TENM4: variants seen among roughly 807,000 people sequenced by gnomAD.
The protein encoded by TENM4 is teneurin-4.
TENM4 carries 82 observed loss-of-function variants against 243.3 expected under a neutral mutation model. That is an observed-to-expected ratio of 0.34 (90% confidence interval 0.28 to 0.40). The LOEUF is 0.40. Ranked by LOEUF, TENM4 falls within the 10% of genes least tolerant of loss-of-function variation. TENM4 has a pLI of 1.00. For synonymous variants in TENM4, 1,412 were observed against 1,456.3 expected (o/e 0.97, Z 0.69); for missense variants, 3,138 against 3,673.3 (o/e 0.85, Z 3.77).
intron 2 of TENM4, among the ~76,000 whole-genome samples, chr11:79,244,054 GTGGTTC>G (rs1338774770): frequency 4.6e-5 from 7 of 152,166 alleles, no homozygotes; most frequent in Middle Eastern, 3.2e-3. Context: ...CCTACGATCA[GTGGTTC>G]TTAAACCTTA....
chr11:78,669,675 G>A lies in TENM4; in HGVS notation c.6670C>T (p.His2224Tyr). 1 of 1,614,024 alleles carries A rather than the reference G, an allele frequency of 6.2e-7. No individual in the cohort carries two copies. Among genetic ancestry groups the A allele is most frequent in the Middle Eastern group, 1.6e-4 (1 of 6,062 alleles). The change falls in exon 32 of 34, where the codon CAC becomes TAC. Residue 2224 changes from histidine to tyrosine, a missense_variant. Transcript: ENST00000278550. This position sits in a 1 kb window ranked among gnomAD's most constrained non-coding sequence, Gnocchi z 6.4. ...GCACTGTTCCCAGGGCTCAGTAAGTGCAGGTTCCCATTGAGGTCGTAGCTG... is the reference window on the plus strand; with the variant it reads ...GCACTGTTCCCAGGGCTCAGTAAGTACAGGTTCCCATTGAGGTCGTAGCTG... ...RYSYDLNGNL[H>Y]LLSPGNSARL...
chr11:78,670,036 C>T lies in TENM4; in HGVS notation c.6309G>A (p.Leu2103=). 1 of 1,613,940 alleles carries T rather than the reference C, an allele frequency of 6.2e-7. No homozygotes were observed. The highest frequency in any genetic ancestry group is 8.5e-7 in the Non-Finnish European group (1 of 1,179,882). The change falls in exon 32 of 34, where the codon CTG becomes CTA. Residue 2103 remains leucine, a synonymous_variant. Coordinates refer to ENST00000278550, the MANE Select transcript of TENM4 (RefSeq NM_001098816.3). ...CATCATAGCGATAGAGATCAATGGG[C>T]AGTGGGGTCTCGTTGATCACAGCCT... ...SMQAVINETP[L]PIDLYRYDDV... is the part of the protein sequence containing the mutation.
intron 1 of TENM4, among the ~76,000 whole-genome samples, chr11:79,420,671 C>T (rs1158514762): frequency 6.6e-6 from 1 of 152,020 alleles, no homozygotes; most frequent in Non-Finnish European, 1.5e-5. Context: ...TGGACACAAA[C>T]CAGTTTTTTT....
rs149519857 is a variant in TENM4 at position 79,116,175 on chromosome 11, T to G, written c.-66+32535A>C. On this transcript the variant is annotated intron_variant, in intron 4 of 33. Transcript: ENST00000278550. ...TTTCTACAAAGAATAAGCCACATTA[T>G]CCTCAGAATGTTGTTGGGTGGGCAT... Among the ~76,000 whole-genome samples the G allele has an allele frequency of 1.4e-3, 220 of 152,354 alleles. 1 individual carries two copies. The highest frequency in any genetic ancestry group is 2.7e-3 in the South Asian group (13 of 4,828).
chr11:79,327,286 A>G (rs999484586), intron 1 of TENM4, among the ~76,000 whole-genome samples: 1 of 152,230 alleles, frequency 6.6e-6, no homozygotes, highest in African/African-American at 2.4e-5. Context: ...TTTCATCACT[A>G]GATGATAGTG....
At chr11:78,696,705 C>T (rs1168368439) in intron 28 of TENM4, among the ~76,000 whole-genome samples, 2 of 152,156 alleles carry the variant, frequency 1.3e-5, no homozygotes, top group African/African-American at 4.8e-5. Flanking sequence ...TTGGGTCCTC[C>T]CTTTGTGCTG....
chr11:79,297,982 G>C (rs1483713732), intron 1 of TENM4, among the ~76,000 whole-genome samples: 4 of 151,308 alleles, frequency 2.6e-5, no homozygotes, highest in Admixed American at 6.6e-5. Flanking sequence ...CAGAGCAGAG[G>C]CTATCAAGAT....
intron 12 of TENM4, among the ~76,000 whole-genome samples, chr11:78,850,076 T>C (rs1014975382): frequency 5.9e-5 from 9 of 152,036 alleles, no homozygotes; most frequent in African/African-American, 2.2e-4. Flanking sequence ...TGTGTGTGTG[T>C]GTGTGTGTGT....
At chr11:79,358,680 CCCTCCCTTG>C (rs140412653) in intron 1 of TENM4, among the ~76,000 whole-genome samples, 39,477 of 147,880 alleles carry the variant, frequency 0.27, 5,813 homozygotes, top group Middle Eastern at 0.37. Flanking sequence ...CTCCTTCCCT[CCCTCCCTTG>C]CCTCCCTTGC....
chr11:79,409,089 TGTGTGTGTGTGTGCGCGCGCGCGC>T (rs1184486925), intron 1 of TENM4, among the ~76,000 whole-genome samples: 2 of 118,040 alleles, frequency 1.7e-5, no homozygotes, highest in African/African-American at 6.4e-5. Context: ...TGTGTGTGTG[TGTGTGTGTGTGTGCGCGCGCGCGC>T]GTGCGTGCAC....
chr11:78,770,899 G>A (rs1362586733), intron 18 of TENM4, 93 bp downstream of exon 18: 1 of 1,491,254 alleles, frequency 6.7e-7, no homozygotes, highest in African/African-American at 1.4e-5. Flanking sequence ...TGACTGGTGT[G>A]TTGGTGGCCT....
At chr11:79,406,893 A>C (rs1045635998) in intron 1 of TENM4, among the ~76,000 whole-genome samples, 1 of 152,224 alleles carries the variant, frequency 6.6e-6, no homozygotes, top group African/African-American at 2.4e-5. Flanking sequence ...AGGTTAAGGA[A>C]ACAAAGCATA....
At chr11:78,810,003 C>T (rs912734915) in intron 14 of TENM4, among the ~76,000 whole-genome samples, 2 of 152,094 alleles carry the variant, frequency 1.3e-5, no homozygotes, top group Admixed American at 6.5e-5. Context: ...CAGTGTCCTA[C>T]TGGCTGCGTT....
At position 78,657,999 on chromosome 11, in the gene TENM4, T is replaced by G; in HGVS notation, c.*59A>C. ...TCATTTTTTTAAAAGTACAACACAG[T>G]CAGGTATGCGGCCACAAAAGAGTAG... On this transcript the variant is annotated 3_prime_UTR_variant, in exon 34 of 34. Coordinates refer to ENST00000278550, the MANE Select transcript of TENM4 (RefSeq NM_001098816.3). 2 of 1,606,300 alleles carry G rather than the reference T, an allele frequency of 1.2e-6. No individual in the cohort carries two copies.
At chr11:79,135,234 A>G (rs1449823804) in intron 4 of TENM4, among the ~76,000 whole-genome samples, 1 of 152,166 alleles carries the variant, frequency 6.6e-6, no homozygotes, top group African/African-American at 2.4e-5. Flanking sequence ...GCCAACAAAC[A>G]TATGAAAAAA....
intron 6 of TENM4, among the ~76,000 whole-genome samples, chr11:78,933,677 T>G (rs1341789307): frequency 2.0e-5 from 3 of 152,168 alleles, no homozygotes; most frequent in Non-Finnish European, 4.4e-5. Context: ...GGAGGTTCAC[T>G]CTGGGGAGGC....
At chr11:79,432,851 G>C (rs189028916) in intron 1 of TENM4, among the ~76,000 whole-genome samples, 1 of 152,184 alleles carries the variant, frequency 6.6e-6, no homozygotes, top group Admixed American at 6.5e-5. Context: ...GGATTTAGGA[G>C]CCAGAGAGGC....
At chr11:78,928,342 A>G (rs1289810631) in intron 6 of TENM4, among the ~76,000 whole-genome samples, 3 of 152,160 alleles carry the variant, frequency 2.0e-5, no homozygotes, top group Non-Finnish European at 4.4e-5. Flanking sequence ...CCGCCACCCC[A>G]TGGTCTTAAC....
At chr11:79,320,279 A>C (rs983357805) in intron 1 of TENM4, among the ~76,000 whole-genome samples, 5 of 152,180 alleles carry the variant, frequency 3.3e-5, no homozygotes, top group African/African-American at 4.8e-5. Context: ...TCTCCATAGC[A>C]TGGAATTACT....
Sources: gnomAD v4.1 joint callset for allele counts (sites outside exome capture counted in the v4.1 genomes callset) on GRCh38, gnomAD v4.1.1 for gene constraint, Gnocchi (gnomAD v3.1) non-coding constraint, MANE v1.5 for transcripts, NCBI Gene and HGNC (gene_info 2026-07-23, HGNC 2026-07-21) for gene names.